DGKB: variants seen among roughly 807,000 people sequenced by gnomAD.
DGKB encodes 90 kDa diacylglycerol kinase.
In DGKB, 67 loss-of-function variants were observed where a neutral mutation model predicts 114.3. The observed-to-expected ratio is 0.59, with a 90% CI of 0.48 to 0.72. The LOEUF is 0.72. DGKB is among the 30% of genes least tolerant of loss of function. DGKB has a pLI of 0.00. For missense variants in DGKB, 907 were observed against 975.2 expected (o/e 0.93, Z 0.93); for synonymous variants, 398 against 323.1 (o/e 1.23, Z -2.49).
chr7:14,547,180 C>G (rs906871049), intron 20 of DGKB, among the ~76,000 whole-genome samples: 8 of 152,138 alleles, frequency 5.3e-5, no homozygotes, highest in African/African-American at 1.9e-4. Flanking sequence ...AGCTATGCCT[C>G]TGCTTTTGGC....
intron 23 of DGKB, among the ~76,000 whole-genome samples, chr7:14,232,431 A>G (rs1284910862): frequency 6.6e-6 from 1 of 150,734 alleles, no homozygotes; most frequent in Non-Finnish European, 1.5e-5. Flanking sequence ...TATTATTATT[A>G]TTATTACTAT....
chr7:14,386,394 T>C (rs900300798), intron 21 of DGKB, among the ~76,000 whole-genome samples: 2 of 152,228 alleles, frequency 1.3e-5, no homozygotes, highest in African/African-American at 4.8e-5. Context: ...CTCACACCTC[T>C]ACACTTAGAA....
chr7:14,806,626 T>C (rs1036849122), intron 2 of DGKB, among the ~76,000 whole-genome samples: 1 of 152,094 alleles, frequency 6.6e-6, no homozygotes, highest in Non-Finnish European at 1.5e-5. Context: ...ACCTCCTTTA[T>C]GGATATATAG....
chr7:14,379,399 GTT>G lies in DGKB; in HGVS notation c.1836-34010_1836-34009del, dbSNP rs754264385. Among the ~76,000 whole-genome samples, 288 of 139,446 alleles carry G rather than the reference GTT, an allele frequency of 2.1e-3. 1 individual carries two copies. The highest frequency in any genetic ancestry group is 6.0e-3 in the African/African-American group (224 of 37,106). 91.5% of individuals were successfully genotyped at this position (139,446 alleles called of 152,430 possible). ...TTAGGCGACTCAAAGAAATTATGGAGTTTTTTTTTTTTTTTTTTTCCACTTTC... is the reference window on the plus strand; with the variant it reads ...TTAGGCGACTCAAAGAAATTATGGAGTTTTTTTTTTTTTTTTTCCACTTTC... On this transcript the variant is annotated intron_variant, in intron 21 of 25. Transcript: ENST00000402815.
At chr7:14,356,362 T>C (rs1209885564) in intron 21 of DGKB, among the ~76,000 whole-genome samples, 1 of 135,076 alleles carries the variant, frequency 7.4e-6, no homozygotes, top group Non-Finnish European at 1.6e-5. Context: ...CTTTTTTTTT[T>C]TTTTTTTTTT....
At chr7:14,950,325 C>A (rs896748924) in intron 1 of DGKB, among the ~76,000 whole-genome samples, 4 of 151,688 alleles carry the variant, frequency 2.6e-5, no homozygotes, top group African/African-American at 9.7e-5. Flanking sequence ...AAATTAATAA[C>A]CTAAATTTTC....
intron 23 of DGKB, among the ~76,000 whole-genome samples, chr7:14,251,305 G>A (rs889425772): frequency 2.0e-5 from 3 of 151,368 alleles, no homozygotes; most frequent in African/African-American, 7.3e-5. Flanking sequence ...TTTCTTTTTG[G>A]TTATCTGGGG....
chr7:14,945,466 A>C (rs1173196329), intron 1 of DGKB, among the ~76,000 whole-genome samples: 1 of 151,694 alleles, frequency 6.6e-6, no homozygotes, highest in East Asian at 1.9e-4. Flanking sequence ...TCTTTGTTTT[A>C]TCAATTAAAC....
chr7:14,801,372 C>G (rs921149300), intron 2 of DGKB, among the ~76,000 whole-genome samples: 1 of 152,100 alleles, frequency 6.6e-6, no homozygotes, highest in African/African-American at 2.4e-5. Flanking sequence ...GAGTGGACAT[C>G]TGATGGTTAG....
intron 10 of DGKB, 46 bp downstream of exon 10, chr7:14,685,199 T>G (rs1563905821): frequency 7.9e-7 from 1 of 1,272,774 alleles, no homozygotes; most frequent in Non-Finnish European, 1.1e-6. Flanking sequence ...AAATCAACCT[T>G]TCCTCACTTG....
chr7:14,640,620 C>A (rs1322494974), intron 13 of DGKB, among the ~76,000 whole-genome samples: 1 of 152,084 alleles, frequency 6.6e-6, no homozygotes, highest in Non-Finnish European at 1.5e-5. Context: ...TAAAGGGGAA[C>A]ATGGGTTGAA....
Position 14,555,652 on chromosome 7 carries a change from A to C in DGKB, c.1770+18560T>G, listed in dbSNP as rs915053277. On this transcript the variant is annotated intron_variant, in intron 20 of 25. Transcript: ENST00000402815. Reference sequence around the variant, plus strand: ...ACTGGGCTGCATTCTCAGACAGTTAAGAAATTCTAAGTCACAGAATGAGAT... The same window carrying C: ...ACTGGGCTGCATTCTCAGACAGTTACGAAATTCTAAGTCACAGAATGAGAT... 3.3e-5 allele frequency among the ~76,000 whole-genome samples: 5 copies of C among 152,178 alleles called. No homozygotes were observed. In the East Asian group the frequency reaches 7.7e-4, roughly 23 times the overall value.
intron 17 of DGKB, among the ~76,000 whole-genome samples, chr7:14,599,379 C>G (rs1009772057): frequency 5.3e-5 from 8 of 152,174 alleles, no homozygotes; most frequent in African/African-American, 1.9e-4. Context: ...GCCCTTCACT[C>G]TGTTCTAGTC....
At chr7:14,466,003 T>G (rs1584155488) in intron 21 of DGKB, among the ~76,000 whole-genome samples, 1 of 151,822 alleles carries the variant, frequency 6.6e-6, no homozygotes, top group East Asian at 1.9e-4. Context: ...CAAGCTGGCC[T>G]AAGAACAGAA....
chr7:14,891,919 T>C (rs1467876340), intron 1 of DGKB, among the ~76,000 whole-genome samples: 2 of 151,348 alleles, frequency 1.3e-5, no homozygotes, highest in African/African-American at 2.4e-5. Context: ...CCAGTTTTCA[T>C]AGTTTTGTGA....
intron 21 of DGKB, among the ~76,000 whole-genome samples, chr7:14,402,846 C>T (rs1823351682): frequency 6.6e-6 from 1 of 151,762 alleles, no homozygotes; most frequent in Admixed American, 6.6e-5. Context: ...CAGGTGAAAG[C>T]CTTAAGAAAA....
intron 20 of DGKB, among the ~76,000 whole-genome samples, chr7:14,480,165 G>C (rs111687125): frequency 0.016 from 2,427 of 152,034 alleles, 33 homozygotes; most frequent in Non-Finnish European, 0.021. Flanking sequence ...GGGAGAGACA[G>C]CAAAAGACCA....
At chr7:14,190,430 C>A (rs1467754562) in intron 23 of DGKB, among the ~76,000 whole-genome samples, 1 of 151,880 alleles carries the variant, frequency 6.6e-6, no homozygotes, top group Non-Finnish European at 1.5e-5. Context: ...GTCTACATCA[C>A]AAAAGAAGAT....
In DGKB at chr7:14,176,810, A is replaced by T. The variant is rs777675560; in HGVS notation, c.2304+29T>A. 4 of 1,598,136 alleles carry T rather than the reference A, an allele frequency of 2.5e-6. No individual in the cohort carries two copies. The South Asian group carries it at 4.5e-5, about 18-fold the overall frequency. ...AAAGAGGAAAGCAAAACTGAGATTG[A>T]CATAGCATATCAACTACTCTGTACT... On this transcript the variant is annotated intron_variant, in intron 25 of 25. Coordinates refer to ENST00000402815, the MANE Select transcript of DGKB (RefSeq NM_001350709.2).
Sources: allele counts gnomAD v4.1 joint callset (sites outside exome capture counted in the v4.1 genomes callset), GRCh38; gene constraint gnomAD v4.1.1; transcripts MANE v1.5; gene names NCBI Gene and HGNC (gene_info 2026-07-23, HGNC 2026-07-21).